TLN2: variants seen among roughly 807,000 people sequenced by gnomAD.
TLN2 encodes the protein talin 2, also known as talin-2.
In TLN2, 118 loss-of-function variants were observed where a neutral mutation model predicts 294.7. The ratio of observed to expected loss-of-function variants is 0.40; its 90% CI spans 0.34 to 0.47. TLN2 has a LOEUF of 0.47. TLN2 is among the 20% of genes least tolerant of loss of function. The pLI is 0.84. For missense variants in TLN2, 3,083 were observed against 3,282.2 expected, an observed-to-expected ratio of 0.94 and a Z score of 1.48; for synonymous variants, 1,431 against 1,304.5, an observed-to-expected ratio of 1.10 and a Z score of -2.09.
chr15:62,643,123 T>C (rs1047044869), intron 3 of TLN2, among the ~76,000 whole-genome samples: 1 of 152,196 alleles, frequency 6.6e-6, no homozygotes, highest in Non-Finnish European at 1.5e-5. Flanking sequence ...CTGTGGTTCT[T>C]GTGGGGTGGT....
rs1368484320 is a variant in TLN2, at chr15:62,748,371, A to G, written c.4046A>G (p.Asn1349Ser). The change falls in exon 33 of 59, where the codon AAT (asparagine) becomes AGT (serine). Residue 1349 changes from asparagine to serine, a missense_variant. Coordinates refer to ENST00000636159, the MANE Select transcript of TLN2 (RefSeq NM_015059.3). ...AAARAVTESI[N>S]QLITLCTQQA... Reference sequence around the variant, plus strand: ...CACAGAGCTGTGACAGAGAGCATCAATCAACTCATCACTCTGTGTACCCAA... The same window carrying G: ...CACAGAGCTGTGACAGAGAGCATCAGTCAACTCATCACTCTGTGTACCCAA... The G allele has an allele frequency of 1.9e-6, 3 of 1,613,326 alleles. No individual in the cohort carries two copies. Among genetic ancestry groups the G allele is most frequent in the South Asian group, 1.1e-5 (1 of 91,010 alleles).
chr15:62,403,512 C>T (rs923490464), intron 1 of TLN2, among the ~76,000 whole-genome samples: 1 of 152,186 alleles, frequency 6.6e-6, no homozygotes, highest in Non-Finnish European at 1.5e-5. Flanking sequence ...GGATTACAGG[C>T]ATGAGCCACT....
At chr15:62,800,013 A>G (rs2065816633) in intron 48 of TLN2, among the ~76,000 whole-genome samples, 1 of 152,184 alleles carries the variant, frequency 6.6e-6, no homozygotes, top group Admixed American at 6.5e-5. Context: ...ATTTTTACTC[A>G]GTGTTCAGGG....
At chr15:62,401,276 C>T (rs1056214089) in intron 1 of TLN2, among the ~76,000 whole-genome samples, 1 of 151,894 alleles carries the variant, frequency 6.6e-6, no homozygotes, top group Non-Finnish European at 1.5e-5. Flanking sequence ...TGTTTTCAGC[C>T]ACTTAGTTTT....
At chr15:62,634,155 C>G (rs2050169267) in intron 3 of TLN2, among the ~76,000 whole-genome samples, 1 of 152,190 alleles carries the variant, frequency 6.6e-6, no homozygotes, top group South Asian at 2.1e-4. Flanking sequence ...AAACACAATT[C>G]AGCCCATAGC....
intron 2 of TLN2, among the ~76,000 whole-genome samples, chr15:62,603,295 A>T (rs75167210): frequency 0.029 from 4,335 of 151,990 alleles, 103 homozygotes; most frequent in Middle Eastern, 0.048. Flanking sequence ...GTTTTTTTTT[A>T]AAATGTGTGT....
chr15:62,403,055 T>C (rs1271586358), intron 1 of TLN2, among the ~76,000 whole-genome samples: 2 of 152,204 alleles, frequency 1.3e-5, no homozygotes, highest in African/African-American at 2.4e-5. Context: ...TTGACCAACA[T>C]GGTGAAACCC....
intron 5 of TLN2, among the ~76,000 whole-genome samples, chr15:62,651,444 A>G (rs945690687): frequency 1.3e-5 from 2 of 152,362 alleles, no homozygotes; most frequent in Admixed American, 1.3e-4. Context: ...GGAATTTTTC[A>G]TAAGAAAATT....
At chr15:62,392,701 C>G (rs2032197282) in intron 1 of TLN2, among the ~76,000 whole-genome samples, 1 of 152,074 alleles carries the variant, frequency 6.6e-6, no homozygotes, top group African/African-American at 2.4e-5. Flanking sequence ...GTCGGCACTT[C>G]CGGTCTTCTT....
intron 21 of TLN2, 143 bp from the exon 22 acceptor site, chr15:62,711,768 A>G (rs2059443899): frequency 4.7e-6 from 4 of 856,724 alleles, no homozygotes; most frequent in Non-Finnish European, 6.7e-6. Flanking sequence ...ATTTGGATGC[A>G]TGGCTTAGGA....
chr15:62,783,923 C>T (rs1168676959), intron 45 of TLN2, 33 bp downstream of exon 45: 1 of 1,610,170 alleles, frequency 6.2e-7, no homozygotes, highest in South Asian at 1.1e-5. Context: ...TTTTAAGATG[C>T]ACACACACAC....
chr15:62,529,383 C>T (rs955108784), intron 1 of TLN2, among the ~76,000 whole-genome samples: 6 of 152,094 alleles, frequency 3.9e-5, no homozygotes, highest in African/African-American at 9.7e-5. Flanking sequence ...GCCACTGCGC[C>T]CAGCCTTTTT....
chr15:62,568,673 A>T (rs770379911), intron 1 of TLN2, among the ~76,000 whole-genome samples: 1 of 152,082 alleles, frequency 6.6e-6, no homozygotes, highest in Non-Finnish European at 1.5e-5. Context: ...GACAGATGGA[A>T]ACACCTTCTC....
At chr15:62,569,957 C>T (rs2043728600) in intron 1 of TLN2, among the ~76,000 whole-genome samples, 1 of 152,176 alleles carries the variant, frequency 6.6e-6, no homozygotes. Context: ...TGAGTTTTCC[C>T]TTTCTGCCTT....
chr15:62,772,099 C>G (rs578198615), intron 42 of TLN2, among the ~76,000 whole-genome samples: 2 of 152,036 alleles, frequency 1.3e-5, no homozygotes, highest in Non-Finnish European at 2.9e-5. Flanking sequence ...GGCTAGCCTG[C>G]TTGCTCATTT....
chr15:62,404,445 G>T (rs1273945845), intron 1 of TLN2, among the ~76,000 whole-genome samples: 2 of 152,126 alleles, frequency 1.3e-5, no homozygotes, highest in Non-Finnish European at 2.9e-5. Context: ...TTCACAGGGG[G>T]AGATGTCTCC....
intron 1 of TLN2, among the ~76,000 whole-genome samples, chr15:62,491,652 C>CT (rs1166667877): frequency 6.6e-6 from 1 of 152,224 alleles, no homozygotes; most frequent in East Asian, 1.9e-4. Flanking sequence ...TAGTAGCTAT[C>CT]TTTTTTTAGG....
chr15:62,790,322 G>T (rs1270527751), intron 45 of TLN2, among the ~76,000 whole-genome samples: 1 of 152,186 alleles, frequency 6.6e-6, no homozygotes, highest in Non-Finnish European at 1.5e-5. Flanking sequence ...ATCCACAAGA[G>T]ATTTAATTTC....
chr15:62,496,739 G>C (rs560011941), intron 1 of TLN2, among the ~76,000 whole-genome samples: 1 of 152,322 alleles, frequency 6.6e-6, no homozygotes, highest in South Asian at 2.1e-4. Flanking sequence ...CATCTGCATA[G>C]ATCCAATTTT....
Sources: gnomAD v4.1 joint callset for allele counts (sites outside exome capture counted in the v4.1 genomes callset) on GRCh38, gnomAD v4.1.1 for gene constraint, MANE v1.5 for transcripts, NCBI Gene and HGNC (gene_info 2026-07-23, HGNC 2026-07-21) for gene names.